Variants in BEND3 observed in about 807,000 individuals in gnomAD.
BEND3 encodes BEN domain containing 3.
In BEND3, 13 loss-of-function variants were observed where a neutral mutation model predicts 60.1. The ratio of observed to expected loss-of-function variants is 0.22; its 90% CI spans 0.14 to 0.34. The LOEUF (loss-of-function observed/expected upper bound fraction) is 0.34, where lower values mean the gene tolerates loss of function less well. BEND3 is among the 10% of genes least tolerant of loss of function. The pLI, the probability that BEND3 is intolerant of heterozygous loss-of-function variation, is 1.00. For synonymous variants in BEND3, 497 were observed against 491.5 expected, an observed-to-expected ratio of 1.01 and a Z score of -0.15; for missense variants, 896 against 1,138.1, an observed-to-expected ratio of 0.79 and a Z score of 3.06.
At chr6:107,102,451 C>T (rs1775721621) in intron 1 of BEND3, among the ~76,000 whole-genome samples, 1 of 152,240 alleles carries the variant, frequency 6.6e-6, no homozygotes, top group African/African-American at 2.4e-5. Flanking sequence ...GAAGAGCACA[C>T]ATCTCAGCCA....
chr6:107,091,765 CAGA>C (rs1554235248), intron 3 of BEND3, among the ~76,000 whole-genome samples: 1 of 152,120 alleles, frequency 6.6e-6, no homozygotes, highest in African/African-American at 2.4e-5. Flanking sequence ...TCTCAGAAAA[CAGA>C]AGTAGAGAAA....
chr6:107,100,065 G>A (rs1306940121), intron 1 of BEND3, among the ~76,000 whole-genome samples: 3 of 151,872 alleles, frequency 2.0e-5, no homozygotes, highest in Non-Finnish European at 2.9e-5. Context: ...GTAGAGATGC[G>A]GTTTCACTAT....
chr6:107,076,541 A>G (rs1333300119), intron 3 of BEND3, among the ~76,000 whole-genome samples: 2 of 152,188 alleles, frequency 1.3e-5, no homozygotes, highest in African/African-American at 2.4e-5. Context: ...CCAGGTGTCC[A>G]TGCCCAGTGA....
chr6:107,094,514 G>A (rs1475766859), intron 3 of BEND3, among the ~76,000 whole-genome samples: 1 of 151,722 alleles, frequency 6.6e-6, no homozygotes, highest in Non-Finnish European at 1.5e-5. Flanking sequence ...CCAGCTACTC[G>A]GGAGGCTGAG....
chr6:107,098,150 A>T (rs1299641408), intron 3 of BEND3, among the ~76,000 whole-genome samples: 1 of 152,196 alleles, frequency 6.6e-6, no homozygotes, highest in African/African-American at 2.4e-5. Flanking sequence ...TCTCTATTTA[A>T]ATAAGTGAAT....
chr6:107,104,289 C>CAAA (rs34091506), intron 1 of BEND3, among the ~76,000 whole-genome samples: 4 of 101,664 alleles, frequency 3.9e-5, no homozygotes, highest in African/African-American at 1.2e-4. Context: ...GACTCCGTCT[C>CAAA]AAAAAAAAAA....
chr6:107,089,037 T>C (rs1554234752), intron 3 of BEND3, among the ~76,000 whole-genome samples: 1 of 151,894 alleles, frequency 6.6e-6, no homozygotes, highest in African/African-American at 2.4e-5. Flanking sequence ...TCCCAGTTAC[T>C]TGGGAGGCTG....
intron 1 of BEND3, among the ~76,000 whole-genome samples, chr6:107,113,029 G>T (rs1164499533): frequency 6.6e-6 from 1 of 152,048 alleles, no homozygotes; most frequent in Non-Finnish European, 1.5e-5. Flanking sequence ...GTGGTGGCAC[G>T]CGCCTGTAGT....
At position 107,080,366 on chromosome 6, in the gene BEND3, A is replaced by AAC. The variant is rs1562303842; in HGVS notation, c.241-9417_241-9416insGT. On this transcript the variant is annotated intron_variant, in intron 3 of 3. Coordinates refer to ENST00000369042, the MANE Select transcript of BEND3 (RefSeq NM_001367314.1). The stretch of plus-strand genomic sequence containing the variant: ...TGAGATCCCATCTCAAAAAAAAAAA[A>AAC]AAAAAAAAAAACAAAAAACAGGAAA... Among the ~76,000 whole-genome samples, 7 of 149,598 alleles carry AAC rather than the reference A, an allele frequency of 4.7e-5. No individual in the cohort carries two copies. In the East Asian group the frequency reaches 9.8e-4, roughly 21 times the overall value.
chr6:107,079,339 G>A (rs1186733773), intron 3 of BEND3, among the ~76,000 whole-genome samples: 2 of 152,172 alleles, frequency 1.3e-5, no homozygotes, highest in African/African-American at 2.4e-5. Flanking sequence ...GCCCAGGTGT[G>A]ATCCGATTCT....
chr6:107,080,223 C>T (rs1775196813), intron 3 of BEND3, among the ~76,000 whole-genome samples: 1 of 151,620 alleles, frequency 6.6e-6, no homozygotes, highest in South Asian at 2.1e-4. Context: ...ATGGCAAACC[C>T]CTGTCATTAC....
intron 1 of BEND3, among the ~76,000 whole-genome samples, chr6:107,104,101 G>A (rs533101922): frequency 1.3e-3 from 198 of 151,734 alleles, no homozygotes; most frequent in Non-Finnish European, 2.1e-3. Context: ...TGGCTAACAC[G>A]GTGAAACCCC....
chr6:107,068,759 C>T lies in BEND3; in HGVS notation c.2432G>A (p.Arg811His). The change falls in exon 4 of 4, where the codon CGC (arginine) becomes CAC (histidine). Residue 811 changes from arginine (R) to histidine (H), a missense_variant. This residue lies in a region of BEND3 where 5 missense variants were observed against 31.5 expected (regional missense o/e 0.16). Transcript: ENST00000369042. The surrounding 1 kb of genome is among the most constrained non-coding windows in gnomAD (Gnocchi z 5.8). ...GATGTCGCATTTTTTCCTGTTGGGG[C>T]GGCGGCACCTCTCATCGATGCTGGG... is the stretch of plus-strand genomic sequence containing the variant. ...CIPSIDERCR[R>H]PNRKKCDILK... 1 of 1,613,948 alleles carries T rather than the reference C, an allele frequency of 6.2e-7. No homozygotes were observed. The highest frequency in any genetic ancestry group is 8.5e-7 in the Non-Finnish European group (1 of 1,180,038).
intron 3 of BEND3, among the ~76,000 whole-genome samples, chr6:107,079,782 C>T (rs1775185060): frequency 6.6e-6 from 1 of 152,176 alleles, no homozygotes; most frequent in Non-Finnish European, 1.5e-5. Context: ...TGAGTTTGCT[C>T]AGCTGCCTGG....
chr6:107,110,778 C>T (rs1775925645), intron 1 of BEND3, among the ~76,000 whole-genome samples: 1 of 152,020 alleles, frequency 6.6e-6, no homozygotes, highest in Non-Finnish European at 1.5e-5. Flanking sequence ...TGGTCTGCAA[C>T]TCCTGGCTTC....
chr6:107,091,770 G>C (rs531391071), intron 3 of BEND3, among the ~76,000 whole-genome samples: 1 of 152,270 alleles, frequency 6.6e-6, no homozygotes, highest in African/African-American at 2.4e-5. Flanking sequence ...GAAAACAGAA[G>C]TAGAGAAACT....
At chr6:107,082,844 C>A (rs1775261921) in intron 3 of BEND3, among the ~76,000 whole-genome samples, 1 of 152,202 alleles carries the variant, frequency 6.6e-6, no homozygotes, top group Non-Finnish European at 1.5e-5. Flanking sequence ...TCTGGCTTTA[C>A]TTGAAAACTT....
rs781895067 is a variant in BEND3 at position 107,069,319 on chromosome 6, G to A, written c.1872C>T (p.Arg624=). 1.5e-5 allele frequency: 25 copies of A among 1,613,152 alleles called. 1 individual carries two copies. The highest frequency in any genetic ancestry group is 1.2e-4 in the African/African-American group (9 of 74,908). ...GGGTCCAGACGCGGTCGTTTTTGGC[G>A]CGTGGGTAGAGCAGCTGCACGTAGT... ...IRHYVQLLYP[R]AKNDRVWTLE... Residue 624 remains arginine, a synonymous_variant, in exon 4 of 4, where the codon CGC becomes CGT. Transcript: ENST00000369042.
chr6:107,094,658 AT>A lies in BEND3; in HGVS notation c.240+3892del, dbSNP rs1775545798. On this transcript the variant is annotated intron_variant, in intron 3 of 3. Transcript: ENST00000369042. ...AATAAATAAATAAATAAATAAATAA[AT>A]AAATAAAACGAACAACAAACTCCAT... 4.0e-5 allele frequency among the ~76,000 whole-genome samples: 6 copies of A among 151,314 alleles called. No homozygotes were observed. The South Asian group carries it at 6.2e-4, about 16-fold the overall frequency.
Sources: allele counts gnomAD v4.1 joint callset (sites outside exome capture counted in the v4.1 genomes callset), GRCh38; gene constraint gnomAD v4.1.1; regional missense constraint gnomAD v4.1.1; non-coding constraint Gnocchi (gnomAD v3.1); transcripts MANE v1.5; gene names NCBI Gene and HGNC (gene_info 2026-07-23, HGNC 2026-07-21).